MSI2: variants seen among roughly 807,000 people sequenced by gnomAD.
The protein encoded by MSI2 is RNA-binding protein Musashi homolog 2.
Under a neutral mutation model 45.6 loss-of-function variants are expected in MSI2, and 17 were observed. The ratio of observed to expected loss-of-function variants is 0.37; its 90% confidence interval spans 0.26 to 0.56. The LOEUF (loss-of-function observed/expected upper bound fraction) is 0.56, where lower values mean the gene tolerates loss of function less well. MSI2 is among the 20% of genes least tolerant of loss of function. The probability of loss-of-function intolerance (pLI) is 0.77; values close to 1 mark genes in which losing one functional copy is unlikely to be tolerated. For missense variants in MSI2, 293 were observed against 444.2 expected (o/e 0.66, Z 3.06); for synonymous variants, 156 against 158.2 (o/e 0.99, Z 0.11).
intron 9 of MSI2, among the ~76,000 whole-genome samples, chr17:57,616,989 G>A (rs1907775938): frequency 6.6e-6 from 1 of 152,148 alleles, no homozygotes; most frequent in South Asian, 2.1e-4. Context: ...TTTTCATTTG[G>A]TTTGGCTAAG....
intron 6 of MSI2, among the ~76,000 whole-genome samples, chr17:57,403,902 A>G (rs999653774): frequency 7.9e-5 from 12 of 151,352 alleles, no homozygotes; most frequent in African/African-American, 2.7e-4. Flanking sequence ...TCGGTACTTT[A>G]TACTCTGGTT....
chr17:57,446,948 A>G (rs1419504465), intron 6 of MSI2, among the ~76,000 whole-genome samples: 2 of 152,220 alleles, frequency 1.3e-5, no homozygotes, highest in Admixed American at 6.5e-5. Flanking sequence ...CTACACTCAC[A>G]TATGCTTTGA....
intron 10 of MSI2, among the ~76,000 whole-genome samples, chr17:57,640,331 C>G (rs183140404): frequency 1.2e-3 from 176 of 152,334 alleles, no homozygotes; most frequent in African/African-American, 4.0e-3. Context: ...ATAAGACATA[C>G]CCCATCACTC....
intron 6 of MSI2, chr17:57,522,137 G>A (rs1211341513): frequency 6.6e-6 from 1 of 152,164 alleles, no homozygotes; most frequent in Non-Finnish European, 1.5e-5. Flanking sequence ...AGGCACCTGT[G>A]GCCTGGGCAG....
chr17:57,457,480 T>C (rs116379129), intron 6 of MSI2, among the ~76,000 whole-genome samples: 1 of 152,258 alleles, frequency 6.6e-6, no homozygotes. Flanking sequence ...ATTTGGCCAA[T>C]GAACTTATTT....
In MSI2 at chr17:57,587,135, AC is replaced by A. The variant is rs746183776; in HGVS notation, c.455-9731del. 9.9e-5 allele frequency among the ~76,000 whole-genome samples: 15 copies of A among 152,224 alleles called. No individual in the cohort carries two copies. The South Asian group carries it at 3.1e-3, about 32-fold the overall frequency. ...CCCCCATGAGAGATTCTGCTGCAGG[AC>A]CATACCCAGAAGCATTGGTCTAGGA... On this transcript the variant is annotated intron_variant, in intron 7 of 13. Transcript: ENST00000284073.
intron 7 of MSI2, among the ~76,000 whole-genome samples, chr17:57,556,945 C>A (rs925328296): frequency 6.6e-6 from 1 of 152,152 alleles, no homozygotes; most frequent in African/African-American, 2.4e-5. Context: ...GTCATGGCCA[C>A]CTTCTCAGTG....
At chr17:57,657,695 C>T (rs1199099687) in intron 11 of MSI2, among the ~76,000 whole-genome samples, 2 of 152,128 alleles carry the variant, frequency 1.3e-5, no homozygotes, top group Admixed American at 1.3e-4. Flanking sequence ...TTTCTGTGTC[C>T]CCACTGCTAG....
chr17:57,344,028 A>G (rs1363502362), intron 5 of MSI2, among the ~76,000 whole-genome samples: 1 of 152,172 alleles, frequency 6.6e-6, no homozygotes, highest in Non-Finnish European at 1.5e-5. Context: ...TATAGTTACT[A>G]TGTTTTGTCT....
rs559059887 is a variant in MSI2 at position 57,261,535 on chromosome 17, A to G, written c.271-616A>G. On this transcript the variant is annotated intron_variant, in intron 4 of 13. Coordinates refer to ENST00000284073, the MANE Select transcript of MSI2 (RefSeq NM_138962.4). ...CTTTTGAGGTATAGCTACAGAACAG[A>G]TGATCTTTTTGGTTAATCCTGGGTA... is the stretch of plus-strand genomic sequence containing the variant. Among the ~76,000 whole-genome samples, 98 of 152,274 alleles carry G rather than the reference A, an allele frequency of 6.4e-4. 1 individual carries two copies. Among genetic ancestry groups the G allele is most frequent in the African/African-American group, 2.2e-3 (91 of 41,548 alleles).
intron 6 of MSI2, among the ~76,000 whole-genome samples, chr17:57,433,791 C>T (rs1287947542): frequency 6.6e-6 from 1 of 152,222 alleles, no homozygotes; most frequent in Non-Finnish European, 1.5e-5. Flanking sequence ...CCTTAAGCGC[C>T]GCTCATGCGG....
chr17:57,465,821 C>T (rs1380245672), intron 6 of MSI2, among the ~76,000 whole-genome samples: 1 of 152,116 alleles, frequency 6.6e-6, no homozygotes, highest in Non-Finnish European at 1.5e-5. Flanking sequence ...TTTTTATAGG[C>T]CCGAGAATGC....
chr17:57,620,805 C>T (rs1044206035), intron 9 of MSI2, among the ~76,000 whole-genome samples: 2 of 152,184 alleles, frequency 1.3e-5, no homozygotes, highest in African/African-American at 4.8e-5. Flanking sequence ...CCTAAGATGT[C>T]CCAAAATGTG....
intron 6 of MSI2, among the ~76,000 whole-genome samples, chr17:57,421,620 A>T (rs1419301464): frequency 6.6e-6 from 1 of 152,086 alleles, no homozygotes; most frequent in Non-Finnish European, 1.5e-5. Flanking sequence ...CAGTGGCTCA[A>T]GCCTATAATC....
intron 5 of MSI2, among the ~76,000 whole-genome samples, chr17:57,318,642 TGTGGGGG>T (rs537394661): frequency 1.6e-3 from 232 of 144,612 alleles, no homozygotes; most frequent in African/African-American, 5.5e-3. Context: ...AGGTGCCTGT[TGTGGGGG>T]GTGGGGGCGG....
intron 10 of MSI2, among the ~76,000 whole-genome samples, chr17:57,635,889 C>T (rs1006076269): frequency 2.6e-5 from 4 of 152,224 alleles, no homozygotes; most frequent in African/African-American, 9.6e-5. Flanking sequence ...ATTGCTGTAC[C>T]AGGAAGGACT....
At chr17:57,493,055 C>G (rs1025811758) in intron 6 of MSI2, among the ~76,000 whole-genome samples, 3 of 152,174 alleles carry the variant, frequency 2.0e-5, no homozygotes, top group Admixed American at 2.0e-4. Flanking sequence ...TGAGAAACCT[C>G]AGGCTCCTAG....
At chr17:57,259,530 T>C (rs62058023) in intron 4 of MSI2, among the ~76,000 whole-genome samples, 16,944 of 152,316 alleles carry the variant, frequency 0.11, 1,079 homozygotes, top group Middle Eastern at 0.2. Context: ...CCTCTTTCTC[T>C]GATCAAAGAG....
intron 6 of MSI2, among the ~76,000 whole-genome samples, chr17:57,450,962 A>G (rs560594227): frequency 5.3e-5 from 8 of 151,966 alleles, no homozygotes; most frequent in African/African-American, 1.2e-4. Flanking sequence ...TTTTTTTAAC[A>G]TGGGGTTGGA....
Sources: gnomAD v4.1 joint callset for allele counts (sites outside exome capture counted in the v4.1 genomes callset) on GRCh38, gnomAD v4.1.1 for gene constraint, MANE v1.5 for transcripts, NCBI Gene and HGNC (gene_info 2026-07-23, HGNC 2026-07-21) for gene names.